PLA2G7: variants seen among roughly 807,000 people sequenced by gnomAD.
PLA2G7 encodes phospholipase A2 group VII.
A neutral mutation model predicts 49.6 loss-of-function variants in PLA2G7; 63 were observed. The ratio of observed to expected loss-of-function variants is 1.27; its 90% CI spans 1.04 to 1.57. The LOEUF (loss-of-function observed/expected upper bound fraction) is 1.57. Ranked by LOEUF, PLA2G7 falls within the 40% of genes most tolerant of loss-of-function variation. The probability of loss-of-function intolerance (pLI) is 0.00; values close to 1 mark genes in which losing one functional copy is unlikely to be tolerated. For synonymous variants in PLA2G7, 193 were observed against 169.9 expected, an observed-to-expected ratio of 1.14 and a Z score of -1.06; for missense variants, 596 against 521.2, an observed-to-expected ratio of 1.14 and a Z score of -1.40.
intron 3 of PLA2G7, 21 bp downstream of exon 3, chr6:46,716,954 T>G (rs982175799): frequency 1.9e-6 from 3 of 1,609,642 alleles, no homozygotes; most frequent in African/African-American, 1.3e-5. Context: ...TCAGGATAAG[T>G]TGTATAAATC....
Position 46,722,917 on chromosome 6 carries a change from CT to C in PLA2G7, c.-27del. ...CTTGGGAGCTGAGCAGCAGTTTCAG[CT>C]TAGTCTCCTTCGAAGCAGATGATTA... On this transcript the variant is annotated 5_prime_UTR_variant, in exon 2 of 12. Transcript: ENST00000274793. The C allele has an allele frequency of 7.7e-7, 1 of 1,306,560 alleles. No homozygotes were observed. The highest frequency in any genetic ancestry group is 1.1e-6 in the Non-Finnish European group (1 of 900,972). The allele number at this position is 1,306,560 out of a possible 1,614,324, so 80.9% of individuals were successfully genotyped here.
chr6:46,713,073 C>T (rs1021713613), intron 5 of PLA2G7, among the ~76,000 whole-genome samples: 1 of 152,144 alleles, frequency 6.6e-6, no homozygotes, highest in Non-Finnish European at 1.5e-5. Flanking sequence ...ATATTAGAAA[C>T]AGGTAAATAC....
Position 46,710,572 on chromosome 6 carries a change from A to G in PLA2G7, c.750T>C (p.Asp250=). The part of the protein sequence containing the change: ...DHGKPVKNAL[D]LKFDMEQLKD... Reference sequence around the variant, plus strand: ...TCAGTTGTTCCATATCAAACTTTAAATCTAATGCATTCTTCACTGGCTTTC... The same window carrying G: ...TCAGTTGTTCCATATCAAACTTTAAGTCTAATGCATTCTTCACTGGCTTTC... Residue 250 remains aspartate, a synonymous_variant, in exon 8 of 12, where the codon GAT becomes GAC. Transcript: ENST00000274793. The G allele has an allele frequency of 6.2e-7, 1 of 1,609,740 alleles. No homozygotes were observed. The highest frequency in any genetic ancestry group is 8.5e-7 in the Non-Finnish European group (1 of 1,176,092).
At chr6:46,727,991 G>A (rs1015872056) in intron 1 of PLA2G7, among the ~76,000 whole-genome samples, 1 of 152,178 alleles carries the variant, frequency 6.6e-6, no homozygotes, top group Non-Finnish European at 1.5e-5. Flanking sequence ...GACTAAATTT[G>A]TAGAAAATTT....
intron 8 of PLA2G7, 99 bp from the exon 9 acceptor site, chr6:46,709,517 A>G (rs927624830): frequency 2.7e-6 from 2 of 742,002 alleles, no homozygotes; most frequent in Admixed American, 1.9e-5. Flanking sequence ...GGGATGGTTA[A>G]ATACATTGAT....
At chr6:46,705,926 G>A (rs1479545660) in intron 10 of PLA2G7, among the ~76,000 whole-genome samples, 3 of 151,602 alleles carry the variant, frequency 2.0e-5, no homozygotes, top group Non-Finnish European at 2.9e-5. Context: ...TTTTCTTTAC[G>A]TTTCCTTAAC....
intron 11 of PLA2G7, 48 bp from the exon 12 acceptor site, chr6:46,704,744 T>C: frequency 8.1e-7 from 1 of 1,230,450 alleles, no homozygotes; most frequent in Non-Finnish European, 1.2e-6. Flanking sequence ...TTGAGAGCAT[T>C]AAACAGTTTG....
intron 1 of PLA2G7, among the ~76,000 whole-genome samples, chr6:46,729,104 C>T (rs9357514): frequency 0.053 from 8,009 of 152,170 alleles, 512 homozygotes; most frequent in South Asian, 0.21. Context: ...TGTGCAGGTG[C>T]AAGCCACGGT....
rs1434335533 is a variant in PLA2G7, at chr6:46,708,062, T to C, written c.969A>G (p.Gln323=). 3 of 1,593,638 alleles carry C rather than the reference T, an allele frequency of 1.9e-6. No homozygotes were observed. Among genetic ancestry groups the C allele is most frequent in the Non-Finnish European group, 2.6e-6 (3 of 1,161,702 alleles). ...PLFFINSEYF[Q]YPANIIKMKK... ...TCATTTTTATGATATTAGCAGGATATTGGAAATATTCAGAGTTGATAAAAA... is the reference window on the plus strand; with the variant it reads ...TCATTTTTATGATATTAGCAGGATACTGGAAATATTCAGAGTTGATAAAAA... Residue 323 remains glutamine (Q), a synonymous_variant, in exon 10 of 12, where the codon CAA becomes CAG. Transcript: ENST00000274793.
At chr6:46,709,257 A>G in intron 9 of PLA2G7, 70 bp downstream of exon 9, 1 of 935,366 alleles carries the variant, frequency 1.1e-6, no homozygotes, top group Non-Finnish European at 1.7e-6. Flanking sequence ...TTGAATAAAA[A>G]ATTATATCTC....
chr6:46,731,455 C>T (rs752162067), intron 1 of PLA2G7, among the ~76,000 whole-genome samples: 1 of 152,140 alleles, frequency 6.6e-6, no homozygotes, highest in South Asian at 2.1e-4. Flanking sequence ...TTCCCATTCC[C>T]AGCTTTAATT....
intron 2 of PLA2G7, among the ~76,000 whole-genome samples, chr6:46,721,338 A>T (rs1044445451): frequency 1.3e-5 from 2 of 152,018 alleles, no homozygotes; most frequent in African/African-American, 4.8e-5. Context: ...ACGAGCCACC[A>T]TGCCCGGCCT....
intron 10 of PLA2G7, among the ~76,000 whole-genome samples, chr6:46,706,322 A>G (rs1764825817): frequency 6.6e-6 from 1 of 152,256 alleles, no homozygotes; most frequent in Admixed American, 6.5e-5. Context: ...ACATTGTAGT[A>G]GGAAACTTGA....
At chr6:46,713,995 T>G (rs538733744) in intron 5 of PLA2G7, among the ~76,000 whole-genome samples, 14 of 152,324 alleles carry the variant, frequency 9.2e-5, no homozygotes, top group African/African-American at 2.9e-4. Context: ...GAAGCTCTTC[T>G]TATCCAATCC....
chr6:46,709,454 TTC>T (rs1161390744), intron 8 of PLA2G7, 36 bp from the exon 9 acceptor site: 1 of 1,123,960 alleles, frequency 8.9e-7, no homozygotes, highest in Non-Finnish European at 1.4e-6. Flanking sequence ...TTATAGCTAT[TTC>T]GTGGTGTTAG....
rs767091605 is a variant in PLA2G7 at position 46,716,444 on chromosome 6, C to T, written c.316G>A (p.Gly106Ser). The change falls in exon 4 of 12, where the codon GGT (glycine) becomes AGT (serine). Residue 106 changes from glycine (G) to serine (S), a missense_variant. Physicochemically the swap from Gly to Ser is moderately conservative, Grantham distance 56. Transcript: ENST00000274793. ...LWIPNKEYFW[G>S]LSKFLGTHWL... The stretch of plus-strand genomic sequence containing the variant: ...TGTGTTCCAAGAAATTTGCTAAGAC[C>T]CCAAAAATATTCTTTATTTGGGATC... 2 of 1,613,936 alleles carry T rather than the reference C, an allele frequency of 1.2e-6. No homozygotes were observed. The highest frequency in any genetic ancestry group is 1.7e-6 in the Non-Finnish European group (2 of 1,179,958).
At position 46,716,431 on chromosome 6, in the gene PLA2G7, A is replaced by G. The variant is rs143012249; in HGVS notation, c.329T>C (p.Phe110Ser). 5.0e-6 allele frequency: 8 copies of G among 1,613,964 alleles called. No individual in the cohort carries two copies. Among genetic ancestry groups the G allele is most frequent in the Middle Eastern group, 1.6e-4 (1 of 6,084 alleles). Residue 110 changes from phenylalanine to serine, a missense_variant, in exon 4 of 12, where the codon TTT becomes TCT. Transcript: ENST00000274793. ...NKEYFWGLSK[F>S]LGTHWLMGNI... ...GCCCATAAGCCAGTGTGTTCCAAGAAATTTGCTAAGACCCCAAAAATATTC... is the reference window on the plus strand; with the variant it reads ...GCCCATAAGCCAGTGTGTTCCAAGAGATTTGCTAAGACCCCAAAAATATTC...
At chr6:46,728,732 A>G (rs957804591) in intron 1 of PLA2G7, among the ~76,000 whole-genome samples, 3 of 152,216 alleles carry the variant, frequency 2.0e-5, no homozygotes, top group Admixed American at 6.5e-5. Flanking sequence ...TCCCCCAACT[A>G]TATTACTCAC....
intron 11 of PLA2G7, 23 bp from the exon 12 acceptor site, chr6:46,704,719 C>T (rs200700851): frequency 3.3e-6 from 2 of 606,806 alleles, no homozygotes; most frequent in South Asian, 1.8e-5. Context: ...AAGTGTTAAT[C>T]AACATATTAA....
Sources: allele counts gnomAD v4.1 joint callset (sites outside exome capture counted in the v4.1 genomes callset), GRCh38; gene constraint gnomAD v4.1.1; transcripts MANE v1.5; gene names NCBI Gene and HGNC (gene_info 2026-07-23, HGNC 2026-07-21).